Variants in RPRD2 observed in about 807,000 individuals in gnomAD.
The protein encoded by RPRD2 is regulation of nuclear pre-mRNA domain containing 2.
RPRD2 carries 12 observed loss-of-function variants against 104.4 expected under a neutral mutation model. The ratio of observed to expected loss-of-function variants is 0.11; its 90% CI spans 0.07 to 0.19. RPRD2 has a LOEUF of 0.19. Ranked by LOEUF, RPRD2 falls within the 10% of genes least tolerant of loss-of-function variation. The pLI, the probability that RPRD2 is intolerant of heterozygous loss-of-function variation, is 1.00. For synonymous variants in RPRD2, 714 were observed against 684.9 expected, an observed-to-expected ratio of 1.04 and a Z score of -0.66; for missense variants, 1,543 against 1,790.1, an observed-to-expected ratio of 0.86 and a Z score of 2.49.
rs587683235 is a variant in RPRD2, at chr1:150,378,448, C to T, written c.205+13529C>T. Among the ~76,000 whole-genome samples, 6 of 152,266 alleles carry T rather than the reference C, an allele frequency of 3.9e-5. No individual in the cohort carries two copies. The East Asian group carries it at 5.8e-4, about 15-fold the overall frequency. On this transcript the variant is annotated intron_variant, in intron 1 of 10. Coordinates refer to ENST00000369068, the MANE Select transcript of RPRD2 (RefSeq NM_015203.5). ...GCCTACACTTTACCATTATGGTAGA[C>T]GGCTTCCTGCTTCTTTCAGAGTATA...
In RPRD2 at chr1:150,473,080, C is replaced by T. The variant is rs1263154402; in HGVS notation, c.4132C>T (p.His1378Tyr). ...CACCCTACCCTCCCATTCTCTGGAA[C>T]ACCTGGGCCCACCCCATGGAGGAGG... ...SLTLPSHSLE[H>Y]LGPPHGGGGG... Residue 1378 changes from histidine (H) to tyrosine (Y), a missense_variant, in exon 11 of 11, where the codon CAC (histidine) becomes TAC (tyrosine). Transcript: ENST00000369068. 1.9e-6 allele frequency: 3 copies of T among 1,613,924 alleles called. No individual in the cohort carries two copies. The highest frequency in any genetic ancestry group is 1.3e-5 in the African/African-American group (1 of 74,948).
rs1487289569 is a variant in RPRD2 at position 150,472,842 on chromosome 1, T to C, written c.3894T>C (p.Pro1298=). 2 of 1,610,434 alleles carry C rather than the reference T, an allele frequency of 1.2e-6. No individual in the cohort carries two copies. The highest frequency in any genetic ancestry group is 1.7e-6 in the Non-Finnish European group (2 of 1,177,440). Residue 1298 remains proline, a synonymous_variant, in exon 11 of 11, where the codon CCT becomes CCC. Coordinates refer to ENST00000369068, the MANE Select transcript of RPRD2 (RefSeq NM_015203.5). ...PFSTPPPPPP[P]VDHSGVVPFP... ...CTACTCCACCCCCTCCTCCACCCCC[T>C]GTTGACCACTCTGGAGTTGTACCCT... is the stretch of plus-strand genomic sequence containing the variant.
At chr1:150,459,358 G>T (rs1459528552) in intron 8 of RPRD2, among the ~76,000 whole-genome samples, 2 of 152,152 alleles carry the variant, frequency 1.3e-5, no homozygotes, top group Admixed American at 1.3e-4. Context: ...AAAATACAAT[G>T]AACACTATAG....
At chr1:150,378,338 C>T (rs1371984558) in intron 1 of RPRD2, among the ~76,000 whole-genome samples, 5 of 152,098 alleles carry the variant, frequency 3.3e-5, no homozygotes, top group Non-Finnish European at 7.4e-5. Flanking sequence ...CTTGAGGGCT[C>T]AGTGAGGTTA....
chr1:150,431,816 G>T (rs1553891851), intron 2 of RPRD2, among the ~76,000 whole-genome samples: 3 of 151,978 alleles, frequency 2.0e-5, no homozygotes, highest in African/African-American at 7.3e-5. Flanking sequence ...GCCGCAGCAT[G>T]GGTGAACTTT....
intron 1 of RPRD2, among the ~76,000 whole-genome samples, chr1:150,385,714 T>G (rs1661513410): frequency 6.6e-6 from 1 of 152,232 alleles, no homozygotes; most frequent in Non-Finnish European, 1.5e-5. Flanking sequence ...CAGTATCATC[T>G]TGCCATGTTT....
intron 7 of RPRD2, among the ~76,000 whole-genome samples, chr1:150,446,833 CTT>C (rs782290005): frequency 1.1e-4 from 14 of 127,500 alleles, no homozygotes; most frequent in Admixed American, 8.3e-5. Flanking sequence ...AGACCTGGGT[CTT>C]TTTTTTTTTT....
At chr1:150,463,251 A>T (rs1386975718) in intron 9 of RPRD2, among the ~76,000 whole-genome samples, 1 of 152,150 alleles carries the variant, frequency 6.6e-6, no homozygotes, top group Non-Finnish European at 1.5e-5. Flanking sequence ...TGAAGCCAGG[A>T]ATTCCAGGAC....
intron 2 of RPRD2, among the ~76,000 whole-genome samples, chr1:150,430,879 A>G (rs1665515942): frequency 6.6e-6 from 1 of 152,048 alleles, no homozygotes; most frequent in Non-Finnish European, 1.5e-5. Context: ...GTGAGCTGAG[A>G]TCGCGCCGTT....
chr1:150,409,523 C>G (rs782123620), intron 1 of RPRD2, among the ~76,000 whole-genome samples: 1 of 151,650 alleles, frequency 6.6e-6, no homozygotes, highest in Non-Finnish European at 1.5e-5. Context: ...CCCTTATGAG[C>G]CTATATTCTC....
chr1:150,471,827 A>G lies in RPRD2; in HGVS notation c.2879A>G (p.Lys960Arg). ...ACTGGGCATCTCAGTTTGCCACAGAAGCAGTACCCAGACTCTCCTCACCCA... is the reference window on the plus strand; with the variant it reads ...ACTGGGCATCTCAGTTTGCCACAGAGGCAGTACCCAGACTCTCCTCACCCA... ...STTGHLSLPQ[K>R]QYPDSPHPVP... The change falls in exon 11 of 11, where the codon AAG (lysine) becomes AGG (arginine). Residue 960 changes from lysine to arginine, a missense_variant. Physicochemically the swap from Lys to Arg is conservative, Grantham distance 26. This residue lies in a region of RPRD2 where 880 missense variants were observed against 885.6 expected (regional missense o/e 0.99). Transcript: ENST00000369068. The surrounding 1 kb of genome is among the most constrained non-coding windows in gnomAD (Gnocchi z 5.3). The G allele has an allele frequency of 1.2e-6, 2 of 1,613,936 alleles. No homozygotes were observed. The highest frequency in any genetic ancestry group is 1.7e-6 in the Non-Finnish European group (2 of 1,179,866).
rs587716962 is a variant in RPRD2 at position 150,377,893 on chromosome 1, A to T, written c.205+12974A>T. ...TTTATAAATTTATTAAAAATTTATA[A>T]ATTGAGTCTCAGAGAAGTAAATTGA... On this transcript the variant is annotated intron_variant, in intron 1 of 10. Coordinates refer to ENST00000369068, the MANE Select transcript of RPRD2 (RefSeq NM_015203.5). Among the ~76,000 whole-genome samples, 663 of 152,286 alleles carry T rather than the reference A, an allele frequency of 4.4e-3. 5 individuals carry two copies. Among genetic ancestry groups the T allele is most frequent in the African/African-American group, 0.015 (627 of 41,566 alleles).
Position 150,364,756 on chromosome 1 carries a change from C to T in RPRD2, c.42C>T (p.Ser14=), listed in dbSNP as rs782080425. The T allele has an allele frequency of 3.1e-6, 5 of 1,601,524 alleles. No homozygotes were observed. The African/African-American group carries it at 6.7e-5, about 21-fold the overall frequency. Residue 14 remains serine (S), a synonymous_variant, in exon 1 of 11, where the codon TCC becomes TCT. Transcript: ENST00000369068. The part of the protein sequence containing the change: ...GGGGGSSKAS[S]SSASSAGALE... ...GCGGAGGCAGCAGTAAGGCCTCCTCCTCGTCGGCCTCTTCGGCAGGGGCTC... is the reference window on the plus strand; with the variant it reads ...GCGGAGGCAGCAGTAAGGCCTCCTCTTCGTCGGCCTCTTCGGCAGGGGCTC...
Position 150,402,980 on chromosome 1 carries a change from A to C in RPRD2, c.206-14616A>C, listed in dbSNP as rs587646216. On this transcript the variant is annotated intron_variant, in intron 1 of 10. Coordinates refer to ENST00000369068, the MANE Select transcript of RPRD2 (RefSeq NM_015203.5). ...CGAAACTCTGCCTCAAAAAAACAAA[A>C]ACAAAAAAGATCCCCGTTTCAGAAA... Among the ~76,000 whole-genome samples the C allele has an allele frequency of 4.2e-4, 63 of 148,494 alleles. 2 individuals carry two copies. The highest frequency in any genetic ancestry group is 3.4e-3 in the Middle Eastern group (1 of 290).
chr1:150,435,161 T>A (rs1458151300), intron 2 of RPRD2, among the ~76,000 whole-genome samples: 1 of 152,218 alleles, frequency 6.6e-6, no homozygotes, highest in Non-Finnish European at 1.5e-5. Flanking sequence ...CCTAACTTCG[T>A]CCATGTAAGA....
chr1:150,404,212 TTTTTAGGCTCAAAA>T (rs1663286980), intron 1 of RPRD2, among the ~76,000 whole-genome samples: 1 of 152,146 alleles, frequency 6.6e-6, no homozygotes. Context: ...TTGAAATAAT[TTTTTAGGCTCAAAA>T]TTTTAAACAA....
rs1667903374 is a variant in RPRD2, at chr1:150,461,099, G to T, written c.1411+782G>T. Among the ~76,000 whole-genome samples, 3 of 151,492 alleles carry T rather than the reference G, an allele frequency of 2.0e-5. No homozygotes were observed. In the South Asian group the frequency reaches 6.3e-4, roughly 32 times the overall value. ...AAATTAGAAAATAAGCAAAGAGAAT[G>T]AAATAAATATCTAGGCCAGGCGTGG... On this transcript the variant is annotated intron_variant, in intron 9 of 10. Transcript: ENST00000369068.
chr1:150,385,772 A>G (rs1050199515), intron 1 of RPRD2, among the ~76,000 whole-genome samples: 16 of 152,192 alleles, frequency 1.1e-4, no homozygotes, highest in African/African-American at 3.4e-4. Flanking sequence ...GAGTGGTTCA[A>G]AATTGCTGAA....
chr1:150,408,157 G>GTTTTT (rs1663627873), intron 1 of RPRD2, among the ~76,000 whole-genome samples: 3 of 119,612 alleles, frequency 2.5e-5, no homozygotes, highest in African/African-American at 1.1e-4. Context: ...ATATTCATAT[G>GTTTTT]ATTTTTTTTT....
Sources: gnomAD v4.1 joint callset for allele counts (sites outside exome capture counted in the v4.1 genomes callset) on GRCh38, gnomAD v4.1.1 for gene constraint, gnomAD v4.1.1 regional missense constraint, Gnocchi (gnomAD v3.1) non-coding constraint, MANE v1.5 for transcripts, NCBI Gene and HGNC (gene_info 2026-07-23, HGNC 2026-07-21) for gene names.